Variants in PDE10A observed in about 807,000 individuals in gnomAD.
PDE10A encodes phosphodiesterase 10A, also known as cAMP and cAMP-inhibited cGMP 3',5'-cyclic phosphodiesterase 10A.
In PDE10A, 39 loss-of-function variants were observed where a neutral mutation model predicts 97.7. The ratio of observed to expected loss-of-function variants is 0.40; its 90% confidence interval spans 0.31 to 0.52. The LOEUF (loss-of-function observed/expected upper bound fraction) is 0.52. Ranked by LOEUF, PDE10A falls within the 20% of genes least tolerant of loss-of-function variation. The probability of loss-of-function intolerance (pLI) is 0.56; values close to 1 mark genes in which losing one functional copy is unlikely to be tolerated. For synonymous variants in PDE10A, 371 were observed against 376.8 expected, an observed-to-expected ratio of 0.98 and a Z score of 0.18; for missense variants, 731 against 1,047.8, an observed-to-expected ratio of 0.70 and a Z score of 4.17.
At chr6:165,922,789 T>G (rs1401123835) in intron 1 of PDE10A, among the ~76,000 whole-genome samples, 2 of 152,194 alleles carry the variant, frequency 1.3e-5, no homozygotes, top group Non-Finnish European at 2.9e-5. Flanking sequence ...TCACAACTGT[T>G]TTCTCAATCT....
At chr6:165,590,408 G>C (rs181948507) in intron 1 of PDE10A, among the ~76,000 whole-genome samples, 119 of 152,308 alleles carry the variant, frequency 7.8e-4, no homozygotes, top group African/African-American at 2.6e-3. Flanking sequence ...GCAGTCACAA[G>C]AGTAGAAATA....
intron 1 of PDE10A, among the ~76,000 whole-genome samples, chr6:165,739,085 A>G (rs868696221): frequency 5.9e-5 from 9 of 152,238 alleles, no homozygotes; most frequent in Admixed American, 1.3e-4. Context: ...TACAGATTCA[A>G]TGAAATCTTA....
intron 1 of PDE10A, among the ~76,000 whole-genome samples, chr6:165,715,048 C>T (rs1292366627): frequency 2.6e-5 from 4 of 152,256 alleles, no homozygotes; most frequent in African/African-American, 7.2e-5. Context: ...CAGGAACCCA[C>T]GGGCCGCGAG....
intron 8 of PDE10A, among the ~76,000 whole-genome samples, chr6:165,430,694 T>C (rs1789490596): frequency 6.6e-6 from 1 of 152,164 alleles, no homozygotes; most frequent in Non-Finnish European, 1.5e-5. Context: ...AGTCTCTCTT[T>C]AGAACTACTT....
At chr6:165,826,541 G>A (rs919496815) in intron 1 of PDE10A, among the ~76,000 whole-genome samples, 1 of 151,846 alleles carries the variant, frequency 6.6e-6, no homozygotes, top group Non-Finnish European at 1.5e-5. Context: ...GTGTCCCTCT[G>A]TCCCCGTCTC....
At chr6:165,525,818 C>T (rs551119359) in intron 2 of PDE10A, among the ~76,000 whole-genome samples, 15 of 152,102 alleles carry the variant, frequency 9.9e-5, no homozygotes, top group Non-Finnish European at 1.5e-4. Context: ...TATTCTTACT[C>T]GTGTAGAGCT....
chr6:165,408,073 T>C (rs924299374), intron 13 of PDE10A, among the ~76,000 whole-genome samples: 2 of 152,206 alleles, frequency 1.3e-5, no homozygotes, highest in Non-Finnish European at 2.9e-5. Flanking sequence ...CAATAAAATA[T>C]GCCATTACAT....
chr6:165,574,514 T>C (rs1295382615), intron 1 of PDE10A, among the ~76,000 whole-genome samples: 1 of 152,178 alleles, frequency 6.6e-6, no homozygotes, highest in African/African-American at 2.4e-5. Context: ...CTATTTCACC[T>C]CAAAATTAAT....
At position 165,425,770 on chromosome 6, in the gene PDE10A, C is replaced by CATATGT. The variant is rs112669910; in HGVS notation, c.1653+2887_1653+2888insACATAT. Among the ~76,000 whole-genome samples the CATATGT allele has an allele frequency of 3.2e-3, 459 of 144,128 alleles. 3 individuals are homozygous for CATATGT. The highest frequency in any genetic ancestry group is 0.017 in the Middle Eastern group (5 of 288). The allele number at this position is 144,128 out of a possible 152,430, so 94.6% of individuals were successfully genotyped here. On this transcript the variant is annotated intron_variant, in intron 10 of 21. Coordinates refer to ENST00000539869, the MANE Select transcript of PDE10A (RefSeq NM_001385079.1). ...TGTCTCTAATTATAGAAGGCATGAT[C>CATATGT]GTGTGTGTGTGTGTGTGTGTGTGTG...
chr6:165,815,005 A>G (rs1779372254), intron 1 of PDE10A, among the ~76,000 whole-genome samples: 2 of 152,160 alleles, frequency 1.3e-5, no homozygotes, highest in South Asian at 2.1e-4. Flanking sequence ...TTTATGATTG[A>G]AAAGGGAGAC....
intron 1 of PDE10A, among the ~76,000 whole-genome samples, chr6:165,589,089 A>C (rs1786094883): frequency 6.6e-6 from 1 of 152,244 alleles, no homozygotes; most frequent in Admixed American, 6.5e-5. Flanking sequence ...ATACAAGCTC[A>C]CTTGTACATG....
chr6:165,926,207 T>C (rs1782931206), intron 1 of PDE10A, among the ~76,000 whole-genome samples: 5 of 152,214 alleles, frequency 3.3e-5, no homozygotes. Flanking sequence ...CTTTGATTTC[T>C]TCTGCAGGTG....
intron 13 of PDE10A, among the ~76,000 whole-genome samples, chr6:165,400,272 C>G (rs1299778177): frequency 6.6e-6 from 1 of 151,430 alleles, no homozygotes; most frequent in African/African-American, 2.4e-5. Context: ...TCTTAACGAC[C>G]TTAGGTTAGG....
At position 165,879,627 on chromosome 6, in the gene PDE10A, G is replaced by A. The variant is rs140693648; in HGVS notation, c.-615+107902C>T. Among the ~76,000 whole-genome samples the A allele has an allele frequency of 4.0e-3, 611 of 152,284 alleles. 5 individuals carry two copies. The highest frequency in any genetic ancestry group is 0.014 in the African/African-American group (572 of 41,536). ...ATCAAAATCCTCGGATGCTCAAGTC[G>A]CTGATGTAAAACGGTGCAGTGTTTG... On this transcript the variant is annotated intron_variant, in intron 1 of 19. Transcript: ENST00000366882.
At chr6:165,865,774 G>A (rs1781025918) in intron 1 of PDE10A, among the ~76,000 whole-genome samples, 1 of 151,974 alleles carries the variant, frequency 6.6e-6, no homozygotes, top group South Asian at 2.1e-4. Context: ...GAAAGTCTAT[G>A]TGCTATATGG....
intron 2 of PDE10A, among the ~76,000 whole-genome samples, chr6:165,541,812 T>C (rs1212494556): frequency 6.6e-6 from 1 of 151,894 alleles, no homozygotes; most frequent in Non-Finnish European, 1.5e-5. Flanking sequence ...ATTTCTCTTC[T>C]CCCCTCCCTC....
At chr6:165,958,569 GAC>G (rs1562327361) in intron 1 of PDE10A, among the ~76,000 whole-genome samples, 169 of 13,322 alleles carry the variant, frequency 0.013, 14 homozygotes, top group African/African-American at 0.042. Context: ...AAGAAAGACA[GAC>G]AGAAAGAAAG....
intron 1 of PDE10A, among the ~76,000 whole-genome samples, chr6:165,647,237 G>A (rs1583708544): frequency 6.6e-6 from 1 of 152,206 alleles, no homozygotes; most frequent in Non-Finnish European, 1.5e-5. Context: ...AAGCTACAGT[G>A]TCCATGGCAG....
chr6:165,824,741 A>G (rs1278963561), intron 1 of PDE10A, among the ~76,000 whole-genome samples: 1 of 152,088 alleles, frequency 6.6e-6, no homozygotes. Flanking sequence ...TTTTTCTTTC[A>G]GGACAATCTA....
Sources: gnomAD v4.1 joint callset for allele counts (sites outside exome capture counted in the v4.1 genomes callset) on GRCh38, gnomAD v4.1.1 for gene constraint, MANE v1.5 for transcripts, NCBI Gene and HGNC (gene_info 2026-07-23, HGNC 2026-07-21) for gene names.